Variants in CHD6 observed in about 807,000 individuals in gnomAD.
CHD6 encodes ATP-dependent chromatin remodeler CHD6.
Under a neutral mutation model 276.9 loss-of-function variants are expected in CHD6, and 50 were observed. The ratio of observed to expected loss-of-function variants is 0.18; its 90% confidence interval spans 0.14 to 0.23. The LOEUF (loss-of-function observed/expected upper bound fraction) is 0.23, where lower values mean the gene tolerates loss of function less well. CHD6 is among the 10% of genes least tolerant of loss of function. The pLI is 1.00. For missense variants in CHD6, 2,564 were observed against 3,365.8 expected (o/e 0.76, Z 5.89); for synonymous variants, 1,173 against 1,229.3 (o/e 0.95, Z 0.96).
Position 41,447,882 on chromosome 20 carries a change from C to T in CHD6, c.3773G>A (p.Arg1258Lys). ...AEKAFEGSPA[R>K]ELDVPLPDID... is the part of the protein sequence containing the mutation. ...ATATGTTAAGTTTCATTTGCTTTACCTGGCAGGAGATCCTTCAAATGCTTT... is the reference window on the plus strand; with the variant it reads ...ATATGTTAAGTTTCATTTGCTTTACTTGGCAGGAGATCCTTCAAATGCTTT... The change falls in exon 24 of 37, where the codon AGG becomes AAG. Residue 1258 changes from arginine (R) to lysine (K), a missense_variant and splice_region_variant. Physicochemically the swap from Arg to Lys is conservative, Grantham distance 26. This residue lies in a region of CHD6 where 515 missense variants were observed against 739.5 expected (regional missense o/e 0.70). Coordinates refer to ENST00000373233, the MANE Select transcript of CHD6 (RefSeq NM_032221.5). 6.2e-7 allele frequency: 1 copy of T among 1,602,776 alleles called. No individual in the cohort carries two copies. Among genetic ancestry groups the T allele is most frequent in the Admixed American group, 1.7e-5 (1 of 58,884 alleles).
intron 31 of CHD6, among the ~76,000 whole-genome samples, chr20:41,419,950 T>C (rs1314054914): frequency 2.6e-5 from 4 of 152,224 alleles, no homozygotes; most frequent in Non-Finnish European, 5.9e-5. Flanking sequence ...ATCTATTTTC[T>C]TCATTGTTGT....
At chr20:41,558,236 A>G (rs2045261736) in intron 1 of CHD6, among the ~76,000 whole-genome samples, 1 of 152,182 alleles carries the variant, frequency 6.6e-6, no homozygotes, top group South Asian at 2.1e-4. Flanking sequence ...AGGTACTTTA[A>G]TAGCAAGGGG....
At chr20:41,428,346 A>G (rs986348121) in intron 27 of CHD6, among the ~76,000 whole-genome samples, 1 of 152,234 alleles carries the variant, frequency 6.6e-6, no homozygotes, top group African/African-American at 2.4e-5. Flanking sequence ...GAGGTGCTGT[A>G]GCAGTGACAG....
chr20:41,416,432 A>G (rs561345909), intron 33 of CHD6, among the ~76,000 whole-genome samples, 156 bp downstream of exon 33: 1 of 152,270 alleles, frequency 6.6e-6, no homozygotes, highest in South Asian at 2.1e-4. Flanking sequence ...CACTACATAC[A>G]GGATAAAGTC....
At chr20:41,491,553 A>G in intron 11 of CHD6, 145 bp downstream of exon 11, 1 of 808,622 alleles carries the variant, frequency 1.2e-6, no homozygotes, top group Non-Finnish European at 2.0e-6. Flanking sequence ...TAAGTCTTGG[A>G]TGATTAATGT....
intron 14 of CHD6, 125 bp downstream of exon 14, chr20:41,487,540 G>T: frequency 1.1e-6 from 1 of 888,744 alleles, no homozygotes; most frequent in Non-Finnish European, 1.7e-6. Context: ...ATAAAATAAA[G>T]GAGGTAACGC....
chr20:41,517,839 T>A (rs2044288711), intron 3 of CHD6, among the ~76,000 whole-genome samples: 1 of 152,230 alleles, frequency 6.6e-6, no homozygotes, highest in African/African-American at 2.4e-5. Context: ...TACGCTCAGG[T>A]CAGCTGAGTC....
intron 18 of CHD6, 59 bp from the exon 19 acceptor site, chr20:41,456,038 T>G: frequency 6.9e-7 from 1 of 1,445,380 alleles, no homozygotes; most frequent in Non-Finnish European, 9.2e-7. Context: ...AAAAACAGCC[T>G]CAAATCTGGT....
intron 5 of CHD6, 82 bp from the exon 6 acceptor site, chr20:41,499,439 G>A (rs1358299181): frequency 9.2e-7 from 1 of 1,091,462 alleles, no homozygotes; most frequent in Non-Finnish European, 1.3e-6. Flanking sequence ...TACTACAATG[G>A]GTACTACTTC....
rs759786562 is a variant in CHD6 at position 41,405,336 on chromosome 20, T to C, written c.7405A>G (p.Met2469Val). 6.2e-7 allele frequency: 1 copy of C among 1,614,232 alleles called. No homozygotes were observed. The highest frequency in any genetic ancestry group is 1.7e-5 in the Admixed American group (1 of 60,032). ...TCCATCCCAGCAATCAGTCCATTCA[T>C]GAACAGTGGCCCCATTCCAGAGGGA... Reference protein sequence around the residue: ...DSPSGMGPLFMNGLIAGMDLV... With the variant: ...DSPSGMGPLFVNGLIAGMDLV... Residue 2469 changes from methionine (M) to valine (V), a missense_variant, in exon 37 of 37, where the codon ATG becomes GTG. Transcript: ENST00000373233.
In CHD6 at chr20:41,594,334, T is replaced by C. The variant is rs182324303; in HGVS notation, c.-24+24006A>G. On this transcript the variant is annotated intron_variant, in intron 1 of 36. Transcript: ENST00000373233. ...TTATATGACAATGTTTTCCTCAAAA[T>C]TTCTTCCCAAAGTGATGTTTTTGGC... Among the ~76,000 whole-genome samples, 45 of 152,316 alleles carry C rather than the reference T, an allele frequency of 3.0e-4. No individual in the cohort carries two copies. The East Asian group carries it at 8.3e-3, about 28-fold the overall frequency.
intron 2 of CHD6, among the ~76,000 whole-genome samples, chr20:41,539,378 A>T (rs958052855): frequency 6.6e-6 from 1 of 152,220 alleles, no homozygotes; most frequent in Non-Finnish European, 1.5e-5. Flanking sequence ...GAGAGTGGTT[A>T]TCTTGGTAGG....
At chr20:41,615,765 T>C (rs769169731) in intron 1 of CHD6, among the ~76,000 whole-genome samples, 1 of 152,258 alleles carries the variant, frequency 6.6e-6, no homozygotes, top group Non-Finnish European at 1.5e-5. Context: ...AATTAAAGTC[T>C]TTCCATGAAA....
At chr20:41,543,245 A>G (rs1295013608) in intron 2 of CHD6, among the ~76,000 whole-genome samples, 1 of 152,252 alleles carries the variant, frequency 6.6e-6, no homozygotes, top group Non-Finnish European at 1.5e-5. Flanking sequence ...TTTACAGAGT[A>G]GAAGCCTAGA....
intron 34 of CHD6, chr20:41,414,550 G>A (rs2046936367): frequency 5.6e-6 from 1 of 178,270 alleles, no homozygotes; most frequent in South Asian, 2.0e-4. Flanking sequence ...AATACAACAT[G>A]AAACATTAAA....
rs751157611 is a variant in CHD6, at chr20:41,416,728, T to C, written c.6346A>G (p.Ser2116Gly). ...HVVLKGKWPS[S>G]QQYEPSGTLP... The stretch of plus-strand genomic sequence containing the variant: ...GTGCCTGAGGGCTCATACTGCTGGC[T>C]AGAGGGCCACTTCCCCTTTAACACC... The change falls in exon 33 of 37, where the codon AGC becomes GGC. Residue 2116 changes from serine (S) to glycine (G), a missense_variant. Physicochemically the swap from Ser to Gly is moderately conservative, Grantham distance 56. Around this residue, in one of 7 missense-constraint regions of CHD6, gnomAD observed 1,024 missense variants for 1,047.9 expected, o/e 0.98. Transcript: ENST00000373233. 6.2e-7 allele frequency: 1 copy of C among 1,613,190 alleles called. No individual in the cohort carries two copies. Among genetic ancestry groups the C allele is most frequent in the Non-Finnish European group, 8.5e-7 (1 of 1,179,426 alleles).
At position 41,455,997 on chromosome 20, in the gene CHD6, G is replaced by A; in HGVS notation, c.2830-18C>T. The A allele has an allele frequency of 6.7e-7, 1 of 1,489,792 alleles. No individual in the cohort carries two copies. The highest frequency in any genetic ancestry group is 8.9e-7 in the Non-Finnish European group (1 of 1,118,802). 92.3% of individuals were successfully genotyped at this position (1,489,792 alleles called of 1,614,324 possible). A position where few individuals can be genotyped will look rare whatever the true frequency, so the allele number is the denominator to read the frequency against. ...TGCTGTACCTGGACAGGTCACCAAA[G>A]GCTACTCACAAAGTGGAAAATGTAT... On this transcript the variant is annotated intron_variant, in intron 18 of 36. Transcript: ENST00000373233.
intron 36 of CHD6, among the ~76,000 whole-genome samples, chr20:41,411,393 A>T (rs1224542945): frequency 6.6e-6 from 1 of 151,912 alleles, no homozygotes. Context: ...AAGAGAAGGC[A>T]TTCAGGAAAG....
At chr20:41,580,643 C>A (rs1183217756) in intron 1 of CHD6, among the ~76,000 whole-genome samples, 2 of 56,262 alleles carry the variant, frequency 3.6e-5, no homozygotes, top group African/African-American at 2.1e-4. Context: ...GAAACCCAGT[C>A]TCAAAAAAAA....
Sources: gnomAD v4.1 joint callset for allele counts (sites outside exome capture counted in the v4.1 genomes callset) on GRCh38, gnomAD v4.1.1 for gene constraint, gnomAD v4.1.1 regional missense constraint, MANE v1.5 for transcripts, NCBI Gene and HGNC (gene_info 2026-07-23, HGNC 2026-07-21) for gene names.